SLC17A5: variants seen among roughly 807,000 people sequenced by gnomAD.
SLC17A5 encodes solute carrier family 17 member 5, also known as sialin.
Under a neutral mutation model 59.4 loss-of-function variants are expected in SLC17A5, and 47 were observed. The ratio of observed to expected loss-of-function variants is 0.79; its 90% CI spans 0.63 to 1.01. SLC17A5 has a LOEUF of 1.01. Among genes scored for constraint, SLC17A5 ranks in the 50% least tolerant of loss-of-function variants. The pLI is 0.00. For missense variants in SLC17A5, 522 were observed against 595.5 expected, an observed-to-expected ratio of 0.88 and a Z score of 1.28; for synonymous variants, 202 against 210.7, an observed-to-expected ratio of 0.96 and a Z score of 0.36.
chr6:73,603,072 T>C (rs2150080010), intron 9 of SLC17A5, among the ~76,000 whole-genome samples: 1 of 152,324 alleles, frequency 6.6e-6, no homozygotes, highest in South Asian at 2.1e-4. Flanking sequence ...TCTGTCTGTA[T>C]ATATTTCTAG....
chr6:73,625,805 C>T (rs1466266809), intron 6 of SLC17A5, among the ~76,000 whole-genome samples: 1 of 152,308 alleles, frequency 6.6e-6, no homozygotes, highest in East Asian at 1.9e-4. Context: ...GGTCACACCA[C>T]AGACCAATTG....
chr6:73,635,548 A>G (rs777161544), intron 5 of SLC17A5, 48 bp from the exon 6 acceptor site: 2 of 919,254 alleles, frequency 2.2e-6, no homozygotes, highest in East Asian at 5.3e-5. Flanking sequence ...TGTACCAAAT[A>G]ACAAACAAAA....
chr6:73,599,191 TA>T (rs1766949842), intron 10 of SLC17A5, among the ~76,000 whole-genome samples: 1 of 152,000 alleles, frequency 6.6e-6, no homozygotes, highest in Non-Finnish European at 1.5e-5. Flanking sequence ...TTATTTTGTT[TA>T]TTTTTTTATT....
At chr6:73,632,743 AG>A (rs1768807509) in intron 6 of SLC17A5, among the ~76,000 whole-genome samples, 1 of 151,636 alleles carries the variant, frequency 6.6e-6, no homozygotes, top group Non-Finnish European at 1.5e-5. Flanking sequence ...CCCCTGGCCA[AG>A]GGAAAGCTTT....
At chr6:73,620,847 T>C (rs1213752453) in intron 7 of SLC17A5, among the ~76,000 whole-genome samples, 1 of 151,356 alleles carries the variant, frequency 6.6e-6, no homozygotes. Context: ...TCAGCCTCCC[T>C]AGTAGCTGGG....
Position 73,653,945 on chromosome 6 carries a change from A to G in SLC17A5, c.-59T>C, listed in dbSNP as rs1769997602. 1.4e-6 allele frequency: 2 copies of G among 1,437,074 alleles called. No homozygotes were observed. Among genetic ancestry groups the G allele is most frequent in the Non-Finnish European group, 1.9e-6 (2 of 1,050,210 alleles). The allele number at this position is 1,437,074 out of a possible 1,614,324, so 89.0% of individuals were successfully genotyped here. On this transcript the variant is annotated 5_prime_UTR_variant, in exon 1 of 11. Coordinates refer to ENST00000355773, the MANE Select transcript of SLC17A5 (RefSeq NM_012434.5). ...GCAGAGAAGGGAGCGCCGGCCCGAC[A>G]GCCCGAAGCCCCCGGGCCGAGCTGG...
chr6:73,632,291 CAAAAA>C (rs71000140), intron 6 of SLC17A5, among the ~76,000 whole-genome samples: 2 of 63,750 alleles, frequency 3.1e-5, no homozygotes, highest in South Asian at 6.1e-4. Flanking sequence ...GAGCTAGACT[CAAAAA>C]AAAAAAAAAA....
At chr6:73,648,914 T>A (rs891696791) in intron 1 of SLC17A5, among the ~76,000 whole-genome samples, 5 of 152,210 alleles carry the variant, frequency 3.3e-5, no homozygotes, top group African/African-American at 1.2e-4. Context: ...CTGCAGTATC[T>A]AGATTATGTA....
chr6:73,636,942 A>G (rs1769032759), intron 4 of SLC17A5, among the ~76,000 whole-genome samples: 2 of 151,960 alleles, frequency 1.3e-5, no homozygotes, highest in Non-Finnish European at 2.9e-5. Flanking sequence ...TTATCTGGGT[A>G]TGGTGGTGAT....
chr6:73,650,690 GAA>G (rs111807303), intron 1 of SLC17A5, among the ~76,000 whole-genome samples: 3 of 122,176 alleles, frequency 2.5e-5, no homozygotes, highest in Admixed American at 8.4e-5. Context: ...GTGAGATCCT[GAA>G]AAAAAAAAAA....
intron 4 of SLC17A5, among the ~76,000 whole-genome samples, chr6:73,637,268 C>T (rs17758926): frequency 0.056 from 8,472 of 152,206 alleles, 422 homozygotes; most frequent in Admixed American, 0.16. Context: ...TGAACAGTTA[C>T]TGAGTACCTA....
At chr6:73,600,558 G>C (rs538104761) in intron 9 of SLC17A5, 117 bp from the exon 10 acceptor site, 2 of 801,678 alleles carry the variant, frequency 2.5e-6, no homozygotes, top group African/African-American at 1.9e-5. Flanking sequence ...GCCCAGGCTT[G>C]AGGGCAGTGG....
chr6:73,643,803 T>C (rs1195758866), intron 2 of SLC17A5, among the ~76,000 whole-genome samples: 2 of 152,216 alleles, frequency 1.3e-5, no homozygotes, highest in East Asian at 3.8e-4. Context: ...AAAAGAATAC[T>C]AGCTTTTCTT....
chr6:73,653,376 G>C, intron 1 of SLC17A5: 2 of 985,344 alleles, frequency 2.0e-6, no homozygotes, highest in Non-Finnish European at 2.4e-6. Context: ...CTTACACCGG[G>C]GTCCTCCGCT....
intron 6 of SLC17A5, among the ~76,000 whole-genome samples, chr6:73,627,030 C>T (rs1581975495): frequency 6.6e-6 from 1 of 151,748 alleles, no homozygotes; most frequent in Non-Finnish European, 1.5e-5. Flanking sequence ...CTTTGGCCTC[C>T]CAAAGTGCTG....
intron 1 of SLC17A5, among the ~76,000 whole-genome samples, chr6:73,650,224 A>G (rs1442321499): frequency 6.7e-6 from 1 of 150,300 alleles, no homozygotes; most frequent in Non-Finnish European, 1.5e-5. Flanking sequence ...AAGAAAGAAA[A>G]AAAGGCCGGG....
chr6:73,616,799 G>GT (rs1767893129), intron 7 of SLC17A5, among the ~76,000 whole-genome samples: 2 of 151,976 alleles, frequency 1.3e-5, no homozygotes, highest in Admixed American at 1.3e-4. Context: ...TAGAGACGGA[G>GT]TTTCGCCATG....
At chr6:73,640,398 T>C (rs1769224624) in intron 3 of SLC17A5, among the ~76,000 whole-genome samples, 1 of 152,248 alleles carries the variant, frequency 6.6e-6, no homozygotes, top group African/African-American at 2.4e-5. Context: ...TAGCAATCCT[T>C]ATCACATATG....
chr6:73,606,280 C>G (rs543310256), intron 9 of SLC17A5, among the ~76,000 whole-genome samples: 1 of 151,960 alleles, frequency 6.6e-6, no homozygotes, highest in African/African-American at 2.4e-5. Context: ...TAACCTCAAA[C>G]GATCCAACCG....
Sources: gnomAD v4.1 joint callset for allele counts (sites outside exome capture counted in the v4.1 genomes callset) on GRCh38, gnomAD v4.1.1 for gene constraint, MANE v1.5 for transcripts, NCBI Gene and HGNC (gene_info 2026-07-23, HGNC 2026-07-21) for gene names.